Variants in KDM2A observed in about 807,000 individuals in gnomAD.
KDM2A encodes the protein lysine-specific demethylase 2A.
Under a neutral mutation model 137.3 loss-of-function variants are expected in KDM2A, and 3 were observed. The observed-to-expected ratio is 0.02, with a 90% CI of 0.01 to 0.06. The LOEUF is 0.06. Among genes scored for constraint, KDM2A ranks in the 10% least tolerant of loss-of-function variants. KDM2A has a pLI of 1.00. For missense variants in KDM2A, 738 were observed against 1,510.6 expected, an observed-to-expected ratio of 0.49 and a Z score of 8.48; for synonymous variants, 512 against 541.5, an observed-to-expected ratio of 0.95 and a Z score of 0.76.
chr11:67,196,317 G>A (rs1233967880), intron 5 of KDM2A: 2 of 455,972 alleles, frequency 4.4e-6, no homozygotes, highest in Non-Finnish European at 8.8e-6. Flanking sequence ...GCCTATTACA[G>A]TTTTAAGAGA....
chr11:67,254,519 C>A lies in KDM2A; in HGVS notation c.3307+101C>A. Reference sequence around the variant, plus strand: ...GAATGACCTTGGGTCTGTTGATTGACCCACATCAGCTCATTTCTTCACATC... The same window carrying A: ...GAATGACCTTGGGTCTGTTGATTGAACCACATCAGCTCATTTCTTCACATC... On this transcript the variant is annotated intron_variant, in intron 20 of 20. Coordinates refer to ENST00000529006, the MANE Select transcript of KDM2A (RefSeq NM_012308.3). This position sits in a 1 kb window ranked among gnomAD's most constrained non-coding sequence, Gnocchi z 4.7. 1.0e-6 allele frequency: 1 copy of A among 966,248 alleles called. No individual in the cohort carries two copies. Among genetic ancestry groups the A allele is most frequent in the South Asian group, 1.4e-5 (1 of 73,354 alleles). The allele number at this position is 966,248 out of a possible 1,614,324, so 59.9% of individuals were successfully genotyped here.
intron 6 of KDM2A, among the ~76,000 whole-genome samples, chr11:67,211,642 A>AAT (rs1202016618): frequency 1.2e-4 from 17 of 139,138 alleles, no homozygotes; most frequent in Non-Finnish European, 2.2e-4. Flanking sequence ...AAAAAAAAAG[A>AAT]ATATATATAT....
intron 2 of KDM2A, among the ~76,000 whole-genome samples, chr11:67,161,932 T>C (rs1426345680): frequency 6.6e-6 from 1 of 152,182 alleles, no homozygotes; most frequent in Non-Finnish European, 1.5e-5. Context: ...AATATATAAA[T>C]AGATGCTTTT....
Position 67,248,292 on chromosome 11 carries a change from G to A in KDM2A, c.1977G>A (p.Glu659=), listed in dbSNP as rs1381386114. ...VHPGCLQMDG[E]GLLNEELPNC... is the part of the protein sequence containing the mutation. ...CTGTCTTCCTATAGATGGACGGAGA[G>A]GGGTTGCTTAACGAAGAATTGCCAA... The change falls in exon 16 of 21, where the codon GAG becomes GAA. Residue 659 remains glutamate (E), a synonymous_variant. Transcript: ENST00000529006. 3 of 1,606,360 alleles carry A rather than the reference G, an allele frequency of 1.9e-6. No individual in the cohort carries two copies. Among genetic ancestry groups the A allele is most frequent in the African/African-American group, 1.3e-5 (1 of 74,964 alleles).
At chr11:67,246,209 C>CGGGA (rs1859198476) in intron 15 of KDM2A, 93 bp downstream of exon 15, 1 of 1,353,912 alleles carries the variant, frequency 7.4e-7, no homozygotes, top group Non-Finnish European at 1.0e-6. Flanking sequence ...GCCAGCATCC[C>CGGGA]TACTGTAGGC....
intron 5 of KDM2A, among the ~76,000 whole-genome samples, chr11:67,200,483 C>T (rs1481441226): frequency 1.3e-5 from 2 of 152,188 alleles, no homozygotes; most frequent in East Asian, 3.8e-4. Context: ...TCCCAAAGTG[C>T]TGGGATTATA....
chr11:67,216,008 A>T, intron 8 of KDM2A, 59 bp downstream of exon 8: 1 of 1,240,108 alleles, frequency 8.1e-7, no homozygotes, highest in Non-Finnish European at 1.2e-6. Context: ...ACTTTGCTTC[A>T]GTTCATGTAT....
At chr11:67,206,239 T>C (rs532632677) in intron 5 of KDM2A, among the ~76,000 whole-genome samples, 53 of 152,208 alleles carry the variant, frequency 3.5e-4, no homozygotes, top group Non-Finnish European at 6.5e-4. Flanking sequence ...GAGACCAGCC[T>C]GGCCAACATG....
rs1252626097 is a variant in KDM2A at position 67,255,718 on chromosome 11, C to T, written c.*663C>T. 3.1e-5 allele frequency: 12 copies of T among 385,590 alleles called. No individual in the cohort carries two copies. Among genetic ancestry groups the T allele is most frequent in the East Asian group, 7.3e-5 (1 of 13,774 alleles). The allele number at this position is 385,590 out of a possible 1,614,324, so 23.9% of individuals were successfully genotyped here. On this transcript the variant is annotated 3_prime_UTR_variant, in exon 21 of 21. Transcript: ENST00000529006. ...TTCCCACCCCAGCCTACCCGACTTA[C>T]TTGCTAGTCTCTATGAGGTCCTTAT... is the stretch of plus-strand genomic sequence containing the variant.
At chr11:67,146,342 C>T (rs143418233) in intron 2 of KDM2A, among the ~76,000 whole-genome samples, 5 of 151,998 alleles carry the variant, frequency 3.3e-5, no homozygotes, top group African/African-American at 9.6e-5. Flanking sequence ...AATAATACAC[C>T]GATTGTCTTT....
At chr11:67,226,256 CA>C (rs1241856313) in intron 10 of KDM2A, among the ~76,000 whole-genome samples, 6 of 146,476 alleles carry the variant, frequency 4.1e-5, no homozygotes, top group East Asian at 2.0e-4. Context: ...GATTCCATCT[CA>C]AAAAAAAAAT....
intron 2 of KDM2A, among the ~76,000 whole-genome samples, chr11:67,130,930 A>G (rs1286492011): frequency 6.6e-6 from 1 of 151,686 alleles, no homozygotes; most frequent in Non-Finnish European, 1.5e-5. Context: ...CCAAGATCAC[A>G]GAGTCGGTAA....
intron 12 of KDM2A, chr11:67,240,164 C>T: frequency 6.7e-7 from 1 of 1,484,754 alleles, no homozygotes; most frequent in Middle Eastern, 2.3e-4. Flanking sequence ...GCACGCTGCT[C>T]CCTCTGGGTA....
rs1241628869 is a variant in KDM2A at position 67,255,391 on chromosome 11, C to T, written c.*336C>T. 4.2e-6 allele frequency: 2 copies of T among 472,084 alleles called. No homozygotes were observed. The highest frequency in any genetic ancestry group is 1.2e-4 in the East Asian group (2 of 16,954). The allele number at this position is 472,084 out of a possible 1,614,324, so 29.2% of individuals were successfully genotyped here. ...GTGCAACCTTCATCTGCACTGGGCC[C>T]TGTGCCCCTCCTCCCCATCCATGGT... On this transcript the variant is annotated 3_prime_UTR_variant, in exon 21 of 21. Transcript: ENST00000529006.
chr11:67,228,354 C>G (rs1858607739), intron 11 of KDM2A, among the ~76,000 whole-genome samples, 191 bp downstream of exon 11: 1 of 152,144 alleles, frequency 6.6e-6, no homozygotes, highest in Admixed American at 6.5e-5. Context: ...ATGAAATACT[C>G]TGGATCTGAT....
rs572101939 is a variant in KDM2A, at chr11:67,195,180, T to A, written c.308-12330T>A. 2.6e-5 allele frequency among the ~76,000 whole-genome samples: 4 copies of A among 152,060 alleles called. No homozygotes were observed. In the East Asian group the frequency reaches 7.7e-4, roughly 29 times the overall value. On this transcript the variant is annotated intron_variant, in intron 5 of 20. Transcript: ENST00000529006. ...AGTTCTCTAGTCTAAATAGTCTCAG[T>A]TTATCCATGACTTGAGCCATCTAAA...
At chr11:67,187,665 C>T (rs11824081) in intron 5 of KDM2A, among the ~76,000 whole-genome samples, 114 of 152,034 alleles carry the variant, frequency 7.5e-4, no homozygotes, top group African/African-American at 2.7e-3. Context: ...ACCTCTGTCT[C>T]CTGGTTCAAG....
At chr11:67,208,088 C>T (rs1461556161) in intron 6 of KDM2A, among the ~76,000 whole-genome samples, 2 of 151,948 alleles carry the variant, frequency 1.3e-5, no homozygotes, top group Non-Finnish European at 2.9e-5. Context: ...ACTTTTTGCA[C>T]ATATCAAGAT....
intron 12 of KDM2A, among the ~76,000 whole-genome samples, 169 bp from the exon 13 acceptor site, chr11:67,242,835 CTTTGA>C (rs951429695): frequency 2.0e-5 from 3 of 152,128 alleles, no homozygotes; most frequent in African/African-American, 4.8e-5. Context: ...TCTCCTTCAC[CTTTGA>C]TTTATTTGTT....
Sources: allele counts gnomAD v4.1 joint callset (sites outside exome capture counted in the v4.1 genomes callset), GRCh38; gene constraint gnomAD v4.1.1; non-coding constraint Gnocchi (gnomAD v3.1); transcripts MANE v1.5; gene names NCBI Gene and HGNC (gene_info 2026-07-23, HGNC 2026-07-21).